DIP2C: variants seen among roughly 807,000 people sequenced by gnomAD.
DIP2C encodes the protein disco-interacting protein 2 homolog C.
In DIP2C, 33 loss-of-function variants were observed where a neutral mutation model predicts 192.4. The observed-to-expected ratio is 0.17, with a 90% CI of 0.13 to 0.23. DIP2C has a LOEUF of 0.23. DIP2C is among the 10% of genes least tolerant of loss of function. The pLI is 1.00. For synonymous variants in DIP2C, 979 were observed against 864.1 expected (o/e 1.13, Z -2.33); for missense variants, 1,537 against 2,110.1 (o/e 0.73, Z 5.32).
chr10:518,268 T>C (rs1019163685), intron 1 of DIP2C, among the ~76,000 whole-genome samples: 2 of 152,234 alleles, frequency 1.3e-5, no homozygotes, highest in Non-Finnish European at 1.5e-5. Flanking sequence ...CCTGACTGAC[T>C]CCTTCGTGAA....
intron 1 of DIP2C, among the ~76,000 whole-genome samples, chr10:524,864 G>C (rs368709527): frequency 6.6e-6 from 1 of 150,678 alleles, no homozygotes; most frequent in African/African-American, 2.5e-5. Context: ...GCGTAATGAT[G>C]TCCACCTCTC....
At chr10:602,423 G>A (rs1448214732) in intron 1 of DIP2C, among the ~76,000 whole-genome samples, 2 of 152,282 alleles carry the variant, frequency 1.3e-5, no homozygotes, top group South Asian at 2.1e-4. Context: ...AAAACCTCAC[G>A]CACACTGAAG....
At chr10:532,730 T>C (rs1414174036) in intron 1 of DIP2C, among the ~76,000 whole-genome samples, 1 of 110,696 alleles carries the variant, frequency 9.0e-6, no homozygotes, top group Admixed American at 9.4e-5. Context: ...TGAGAGAGAG[T>C]ATGGGTGTGA....
intron 1 of DIP2C, among the ~76,000 whole-genome samples, chr10:582,245 C>A (rs1171793426): frequency 6.6e-6 from 1 of 152,230 alleles, no homozygotes; most frequent in Non-Finnish European, 1.5e-5. Flanking sequence ...CACACCAGCC[C>A]AGGTGGAGAC....
intron 1 of DIP2C, among the ~76,000 whole-genome samples, chr10:555,485 T>A (rs1407982858): frequency 1.3e-5 from 2 of 152,076 alleles, no homozygotes; most frequent in Non-Finnish European, 2.9e-5. Context: ...CCCAATCTCC[T>A]TGGAACCCCA....
intron 3 of DIP2C, among the ~76,000 whole-genome samples, chr10:451,208 T>C (rs780549019): frequency 2.0e-5 from 3 of 152,156 alleles, no homozygotes; most frequent in African/African-American, 7.2e-5. Flanking sequence ...GAACAGATCA[T>C]TCGATTCTAA....
chr10:513,979 C>T (rs1358784607), intron 1 of DIP2C, among the ~76,000 whole-genome samples: 2 of 152,202 alleles, frequency 1.3e-5, no homozygotes, highest in African/African-American at 4.8e-5. Context: ...TGTGTACAGT[C>T]TTGGCAATGT....
At chr10:525,273 A>G (rs1173924355) in intron 1 of DIP2C, among the ~76,000 whole-genome samples, 1 of 152,200 alleles carries the variant, frequency 6.6e-6, no homozygotes, top group Non-Finnish European at 1.5e-5. Context: ...GACTTCAGCA[A>G]TTTCCAAGTC....
At position 277,069 on chromosome 10, in the gene DIP2C, T is replaced by TC. The variant is rs1184668956; in HGVS notation, c.*255_*256insG. ...AAAAGAAAGAAAAGAAAAGAAAGTT[T>TC]TGAAATGGGCTTTTCCAACAAACTG... On this transcript the variant is annotated 3_prime_UTR_variant, in exon 37 of 37. Transcript: ENST00000280886. 6 of 420,858 alleles carry TC rather than the reference T, an allele frequency of 1.4e-5. No homozygotes were observed. Among genetic ancestry groups the TC allele is most frequent in the African/African-American group, 1.0e-4 (5 of 49,360 alleles). The allele number at this position is 420,858 out of a possible 1,614,324, so 26.1% of individuals were successfully genotyped here.
intron 1 of DIP2C, among the ~76,000 whole-genome samples, chr10:565,342 G>C (rs1379219842): frequency 8.7e-6 from 1 of 114,908 alleles, no homozygotes; most frequent in Non-Finnish European, 1.7e-5. Context: ...ATATGAAACA[G>C]TACCTGCATT....
chr10:467,564 G>GT (rs1970319736), intron 3 of DIP2C, among the ~76,000 whole-genome samples: 11 of 43,412 alleles, frequency 2.5e-4, no homozygotes, highest in East Asian at 1.2e-3. Flanking sequence ...TTATTTAAGT[G>GT]TAAAAAAAAA....
intron 10 of DIP2C, 94 bp from the exon 11 acceptor site, chr10:390,957 G>T: frequency 1.3e-6 from 2 of 1,531,952 alleles, no homozygotes; most frequent in Non-Finnish European, 1.8e-6. Context: ...AGACCCTCGA[G>T]TCTGCAGAAC....
chr10:500,376 G>A (rs1279555924), intron 1 of DIP2C, among the ~76,000 whole-genome samples: 1 of 152,266 alleles, frequency 6.6e-6, no homozygotes, highest in African/African-American at 2.4e-5. Flanking sequence ...CACAAGTCCA[G>A]GATACATGAA....
At chr10:539,796 G>A (rs1291996091) in intron 1 of DIP2C, among the ~76,000 whole-genome samples, 2 of 152,070 alleles carry the variant, frequency 1.3e-5, no homozygotes, top group Non-Finnish European at 2.9e-5. Flanking sequence ...AAGCTGCTTT[G>A]GTTTTTAAAG....
Position 438,494 on chromosome 10 carries a change from CA to C in DIP2C, c.394+2376del, listed in dbSNP as rs369560153. Among the ~76,000 whole-genome samples the C allele has an allele frequency of 1.0e-3, 149 of 142,230 alleles. 1 individual carries two copies. Among genetic ancestry groups the C allele is most frequent in the African/African-American group, 4.3e-3 (139 of 32,166 alleles). 93.3% of individuals were successfully genotyped at this position (142,230 alleles called of 152,430 possible). ...CATAAACTAAACAAACAGGATTAAG[CA>C]TTTTTTTTTTTTGAGATAGGGTCTT... On this transcript the variant is annotated intron_variant, in intron 4 of 36. Transcript: ENST00000280886.
At chr10:462,720 A>G (rs970927281) in intron 3 of DIP2C, among the ~76,000 whole-genome samples, 8 of 152,214 alleles carry the variant, frequency 5.3e-5, no homozygotes, top group African/African-American at 1.9e-4. Context: ...ACACACAACA[A>G]AAAAAGAAAA....
chr10:545,689 G>A (rs1181166214), intron 1 of DIP2C, among the ~76,000 whole-genome samples: 2 of 152,198 alleles, frequency 1.3e-5, no homozygotes, highest in Non-Finnish European at 2.9e-5. Context: ...GTACCCAGCA[G>A]ACTGACAAAA....
At chr10:323,911 T>C (rs1444537231) in intron 31 of DIP2C, among the ~76,000 whole-genome samples, 1 of 152,176 alleles carries the variant, frequency 6.6e-6, no homozygotes, top group East Asian at 1.9e-4. Flanking sequence ...GCTTCTCCAC[T>C]CTGCTTGTTT....
intron 5 of DIP2C, 128 bp from the exon 6 acceptor site, chr10:419,327 C>T: frequency 1.5e-6 from 2 of 1,318,418 alleles, no homozygotes; most frequent in South Asian, 1.3e-5. Context: ...AAAGCCAGAG[C>T]CGATCTCAGC....
Sources: gnomAD v4.1 joint callset for allele counts (sites outside exome capture counted in the v4.1 genomes callset) on GRCh38, gnomAD v4.1.1 for gene constraint, MANE v1.5 for transcripts, NCBI Gene and HGNC (gene_info 2026-07-23, HGNC 2026-07-21) for gene names.